MLLT10: variants seen among roughly 807,000 people sequenced by gnomAD.
MLLT10 encodes the protein protein AF-10.
In MLLT10, 30 loss-of-function variants were observed where a neutral mutation model predicts 129.1. The observed-to-expected ratio is 0.23, with a 90% confidence interval of 0.17 to 0.32. The LOEUF (loss-of-function observed/expected upper bound fraction) is 0.32. Ranked by LOEUF, MLLT10 falls within the 10% of genes least tolerant of loss-of-function variation. The probability of loss-of-function intolerance (pLI) is 1.00; values close to 1 mark genes in which losing one functional copy is unlikely to be tolerated. For synonymous variants in MLLT10, 490 were observed against 446.4 expected (o/e 1.10, Z -1.23); for missense variants, 1,119 against 1,268.3 (o/e 0.88, Z 1.79).
chr10:21,577,528 A>G (rs891503103), intron 3 of MLLT10, among the ~76,000 whole-genome samples: 14 of 150,260 alleles, frequency 9.3e-5, no homozygotes, highest in Admixed American at 2.0e-4. Flanking sequence ...CAATGGTGCA[A>G]TGGCGCAATC....
intron 3 of MLLT10, 123 bp from the exon 4 acceptor site, chr10:21,586,171 C>T: frequency 1.3e-6 from 1 of 744,476 alleles, no homozygotes; most frequent in South Asian, 1.6e-5. Context: ...CTGAAATATT[C>T]TTGGGGGGCA....
At chr10:21,603,830 T>G (rs898845195) in intron 5 of MLLT10, among the ~76,000 whole-genome samples, 1 of 151,610 alleles carries the variant, frequency 6.6e-6, no homozygotes, top group Non-Finnish European at 1.5e-5. Context: ...TTTTTTTGTT[T>G]TTTTTTTTTT....
At chr10:21,545,002 G>T (rs904347795) in intron 3 of MLLT10, among the ~76,000 whole-genome samples, 4 of 152,130 alleles carry the variant, frequency 2.6e-5, no homozygotes, top group Admixed American at 6.6e-5. Flanking sequence ...AAAATTAGCC[G>T]GGTGTGGTGG....
chr10:21,603,827 GT>G (rs35036317), intron 5 of MLLT10, among the ~76,000 whole-genome samples: 88 of 142,430 alleles, frequency 6.2e-4, no homozygotes, highest in East Asian at 1.9e-3. Context: ...TTGTTTTTTT[GT>G]TTTTTTTTTT....
Position 21,627,456 on chromosome 10 carries a change from C to T in MLLT10, c.699+10249C>T, listed in dbSNP as rs536596927. ...CCAAAGGGGGAAACATTTTTCTCTT[C>T]CATGTCCAGGATCCAATCCAAGATC... On this transcript the variant is annotated intron_variant, in intron 8 of 22. Coordinates refer to ENST00000307729, the MANE Select transcript of MLLT10 (RefSeq NM_001195626.3). Among the ~76,000 whole-genome samples, 13 of 152,334 alleles carry T rather than the reference C, an allele frequency of 8.5e-5. 1 individual carries two copies. The South Asian group carries it at 2.5e-3, about 29-fold the overall frequency.
At chr10:21,533,772 T>G (rs1182056497), upstream of MLLT10, among the ~76,000 whole-genome samples, 1 of 152,210 alleles carries the variant, frequency 6.6e-6, no homozygotes, top group Non-Finnish European at 1.5e-5. Flanking sequence ...CATTACACCC[T>G]TCATGGAAGC....
At chr10:21,741,040 C>T (rs747864880) in intron 22 of MLLT10, among the ~76,000 whole-genome samples, 20 of 152,278 alleles carry the variant, frequency 1.3e-4, no homozygotes, top group Non-Finnish European at 2.5e-4. Flanking sequence ...TGCTGTTTCC[C>T]GTTACTTTGA....
intron 3 of MLLT10, among the ~76,000 whole-genome samples, chr10:21,562,830 T>G (rs990632940): frequency 1.4e-5 from 2 of 139,890 alleles, no homozygotes; most frequent in East Asian, 2.0e-4. Context: ...TTTTTTTTTT[T>G]TTTTTTTTGA....
At chr10:21,558,174 C>T (rs573686843) in intron 3 of MLLT10, among the ~76,000 whole-genome samples, 1 of 152,092 alleles carries the variant, frequency 6.6e-6, no homozygotes, top group South Asian at 2.1e-4. Context: ...TCGTCTCGAA[C>T]TACTGACCTC....
At chr10:21,732,311 G>C (rs1432830956) in intron 17 of MLLT10, among the ~76,000 whole-genome samples, 1 of 152,190 alleles carries the variant, frequency 6.6e-6, no homozygotes, top group Non-Finnish European at 1.5e-5. Flanking sequence ...TGTTTACAGG[G>C]GATGCGCCTT....
intron 11 of MLLT10, among the ~76,000 whole-genome samples, chr10:21,680,378 G>T (rs1472322562): frequency 6.6e-6 from 1 of 151,600 alleles, no homozygotes; most frequent in African/African-American, 2.4e-5. Flanking sequence ...GCTAATTTTT[G>T]TATTTTTAGT....
rs183909116 is a variant in MLLT10 at position 21,695,107 on chromosome 10, C to T, written c.1699+12850C>T. On this transcript the variant is annotated intron_variant, in intron 13 of 22. Coordinates refer to ENST00000307729, the MANE Select transcript of MLLT10 (RefSeq NM_001195626.3). ...GTTTGGAGACAGAGTCTTCCTCTGTCGTCCAAGGCTGGAGTGCAGTGGTCT... is the reference window on the plus strand; with the variant it reads ...GTTTGGAGACAGAGTCTTCCTCTGTTGTCCAAGGCTGGAGTGCAGTGGTCT... Among the ~76,000 whole-genome samples the T allele has an allele frequency of 5.8e-4, 79 of 137,032 alleles. 1 individual carries two copies. The highest frequency in any genetic ancestry group is 2.1e-3 in the African/African-American group (76 of 36,252). The allele number at this position is 137,032 out of a possible 152,430, so 89.9% of individuals were successfully genotyped here. A position where few individuals can be genotyped will look rare whatever the true frequency, so the allele number is the denominator to read the frequency against.
chr10:21,557,028 A>G, intron 3 of MLLT10: 1 of 1,451,542 alleles, frequency 6.9e-7, no homozygotes. Context: ...ACTAGTCTTC[A>G]GTCTATCCTG....
At chr10:21,622,621 A>G (rs2045996469) in intron 8 of MLLT10, among the ~76,000 whole-genome samples, 1 of 152,222 alleles carries the variant, frequency 6.6e-6, no homozygotes. Context: ...ATGCCTTCTA[A>G]TATTTGTTAT....
At chr10:21,662,372 A>T (rs949793883) in intron 9 of MLLT10, among the ~76,000 whole-genome samples, 6 of 152,064 alleles carry the variant, frequency 3.9e-5, no homozygotes, top group African/African-American at 1.4e-4. Flanking sequence ...TATATGTCCC[A>T]GCATTCATGG....
chr10:21,680,250 G>A (rs150250257), intron 11 of MLLT10, among the ~76,000 whole-genome samples: 160 of 149,838 alleles, frequency 1.1e-3, no homozygotes, highest in African/African-American at 3.5e-3. Context: ...TTGCTCTGTC[G>A]CCCAGGCTGT....
chr10:21,660,939 G>A (rs7911585), intron 9 of MLLT10, among the ~76,000 whole-genome samples: 5,492 of 150,406 alleles, frequency 0.037, 340 homozygotes, highest in African/African-American at 0.13. Context: ...CATTCAGTGC[G>A]ATAAATTCCT....
At chr10:21,687,022 A>C (rs2053367921) in intron 13 of MLLT10, among the ~76,000 whole-genome samples, 1 of 152,112 alleles carries the variant, frequency 6.6e-6, no homozygotes, top group South Asian at 2.1e-4. Context: ...GAGCTTACTT[A>C]GATCAGTTTT....
chr10:21,576,210 G>A (rs1351488284), intron 3 of MLLT10, among the ~76,000 whole-genome samples: 1 of 151,172 alleles, frequency 6.6e-6, no homozygotes, highest in Non-Finnish European at 1.5e-5. Flanking sequence ...GGTTACAGGC[G>A]TGAGCCACCG....
Sources: gnomAD v4.1 joint callset for allele counts (sites outside exome capture counted in the v4.1 genomes callset) on GRCh38, gnomAD v4.1.1 for gene constraint, MANE v1.5 for transcripts, NCBI Gene and HGNC (gene_info 2026-07-23, HGNC 2026-07-21) for gene names.